Variants in DMD observed in about 807,000 individuals in gnomAD.
The protein encoded by DMD is dystrophin, also known as mutant dystrophin.
Under a neutral mutation model 330.1 loss-of-function variants are expected in DMD, and 63 were observed. The ratio of observed to expected loss-of-function variants is 0.19; its 90% CI spans 0.16 to 0.24. The LOEUF (loss-of-function observed/expected upper bound fraction) is 0.24. DMD is among the 10% of genes least tolerant of loss of function. The pLI, the probability that DMD is intolerant of heterozygous loss-of-function variation, is 1.00. For missense variants in DMD, 3,344 were observed against 2,684.1 expected (o/e 1.25, Z -5.43); for synonymous variants, 1,223 against 959.8 (o/e 1.27, Z -5.07).
intron 60 of DMD, among the ~76,000 whole-genome samples, chrX:31,361,771 T>G (rs1289884245): frequency 3.5e-5 from 3 of 84,590 alleles, no homozygotes; most frequent in African/African-American, 1.7e-4. Context: ...TCTTACCATC[T>G]TTTTTTTTTT....
intron 52 of DMD, among the ~76,000 whole-genome samples, chrX:31,680,518 G>A (rs749390025): frequency 1.8e-5 from 2 of 109,357 alleles, no homozygotes; most frequent in Non-Finnish European, 3.8e-5. Flanking sequence ...CTACAGGCAC[G>A]TGCCATCATG....
intron 51 of DMD, among the ~76,000 whole-genome samples, chrX:31,739,727 G>T (rs1306285425): frequency 9.4e-6 from 1 of 106,948 alleles, no homozygotes; most frequent in African/African-American, 3.4e-5. Context: ...GTATACCTAG[G>T]TAACAAACCT....
rs147811496 is a variant in DMD at position 31,759,395 on chromosome X, C to A, written c.7542+14565G>T. On this transcript the variant is annotated intron_variant, in intron 51 of 78. Coordinates refer to ENST00000357033, the MANE Select transcript of DMD (RefSeq NM_004006.3). ...CTTTTACATATTTATAAAATCCATT[C>A]TATTTCTCTGGATGTGTAATGAAAG... 4.3e-3 allele frequency among the ~76,000 whole-genome samples: 474 copies of A among 110,984 alleles called. 2 individuals are homozygous for A. The highest frequency in any genetic ancestry group is 0.014 in the African/African-American group (417 of 30,735).
chrX:32,719,858 G>C (rs2066092985), intron 7 of DMD, among the ~76,000 whole-genome samples: 1 of 109,757 alleles, frequency 9.1e-6, no homozygotes, highest in African/African-American at 3.3e-5. Flanking sequence ...TCCAACCTCT[G>C]AACGTTTATC....
At chrX:32,929,525 A>C (rs17338919) in intron 2 of DMD, among the ~76,000 whole-genome samples, 1,650 of 110,924 alleles carry the variant, frequency 0.015, 26 homozygotes, top group East Asian at 0.051. Flanking sequence ...GGCCATAGTT[A>C]CTGAGGATAT....
At chrX:31,353,388 A>G (rs754975003) in intron 60 of DMD, among the ~76,000 whole-genome samples, 2 of 111,679 alleles carry the variant, frequency 1.8e-5, no homozygotes, top group Non-Finnish European at 3.8e-5. Context: ...AACAGATTCG[A>G]AAGGGCACCT....
intron 2 of DMD, among the ~76,000 whole-genome samples, chrX:32,868,922 C>A (rs1182533939): frequency 1.8e-5 from 2 of 111,903 alleles, no homozygotes; most frequent in Non-Finnish European, 3.8e-5. Flanking sequence ...TTAAGTGGGT[C>A]CTGGATCCCG....
intron 3 of DMD, among the ~76,000 whole-genome samples, chrX:32,847,875 T>A (rs948884180): frequency 5.5e-4 from 62 of 112,535 alleles, no homozygotes; most frequent in Non-Finnish European, 8.1e-4. Flanking sequence ...GTGGATTTTT[T>A]AATTTTGCCG....
intron 60 of DMD, 84 bp from the exon 61 acceptor site, chrX:31,348,718 A>G: frequency 1.2e-6 from 1 of 834,011 alleles, no homozygotes; most frequent in Non-Finnish European, 1.8e-6. Flanking sequence ...CTGATAAGAT[A>G]CTTTGAGTCT....
chrX:31,172,272 G>T, intron 73 of DMD, 76 bp downstream of exon 73: 1 of 710,009 alleles, frequency 1.4e-6, no homozygotes, highest in Non-Finnish European at 2.2e-6. Context: ...CCTATATCCT[G>T]TGCTATCCTA....
chrX:31,665,984 T>C (rs1054114989), intron 53 of DMD, among the ~76,000 whole-genome samples: 1 of 111,681 alleles, frequency 9.0e-6, no homozygotes, highest in African/African-American at 3.3e-5. Flanking sequence ...GGCTCTCTCT[T>C]TAATTTGCTG....
chrX:31,297,516 C>T (rs947931459), intron 62 of DMD, among the ~76,000 whole-genome samples: 3 of 111,836 alleles, frequency 2.7e-5, no homozygotes, highest in Middle Eastern at 4.2e-3. Context: ...CTTGCACATT[C>T]TATCAGAATG....
chrX:32,051,341 C>T (rs1178578478), intron 44 of DMD, among the ~76,000 whole-genome samples: 1 of 109,845 alleles, frequency 9.1e-6, no homozygotes, highest in Non-Finnish European at 1.9e-5. Context: ...GTGAAAATGG[C>T]TCTTGGTAAC....
At chrX:31,820,913 T>G (rs1201535124) in intron 49 of DMD, among the ~76,000 whole-genome samples, 2 of 111,963 alleles carry the variant, frequency 1.8e-5, no homozygotes, top group African/African-American at 6.5e-5. Context: ...ACGGTTAAAT[T>G]TAAATTACCA....
At chrX:33,071,647 T>C (rs994544779) in intron 1 of DMD, among the ~76,000 whole-genome samples, 1 of 111,419 alleles carries the variant, frequency 9.0e-6, no homozygotes, top group East Asian at 2.8e-4. Flanking sequence ...CCAATCATTG[T>C]TGTGTGAGCT....
chrX:33,248,584 G>C (rs780743015), intron 1 of DMD, among the ~76,000 whole-genome samples: 3 of 111,417 alleles, frequency 2.7e-5, no homozygotes, highest in Admixed American at 1.9e-4. Context: ...AAATTAGAAA[G>C]TGACATTCAT....
chrX:32,200,720 T>C (rs1410070258), intron 44 of DMD, among the ~76,000 whole-genome samples: 1 of 111,807 alleles, frequency 8.9e-6, no homozygotes, highest in Non-Finnish European at 1.9e-5. Context: ...TAACATGCAA[T>C]AAATGAGCAT....
intron 47 of DMD, among the ~76,000 whole-genome samples, chrX:31,894,665 G>C (rs141134819): frequency 8.9e-6 from 1 of 112,025 alleles, no homozygotes; most frequent in African/African-American, 3.2e-5. Context: ...GCTGTGTGAG[G>C]AGATTCTTCT....
At chrX:32,546,868 A>T (rs1350880453) in intron 16 of DMD, among the ~76,000 whole-genome samples, 2 of 111,585 alleles carry the variant, frequency 1.8e-5, no homozygotes, top group African/African-American at 3.2e-5. Flanking sequence ...TAAAATATAA[A>T]CTCAAACATT....
Sources: allele counts gnomAD v4.1 joint callset (sites outside exome capture counted in the v4.1 genomes callset), GRCh38; gene constraint gnomAD v4.1.1; transcripts MANE v1.5; gene names NCBI Gene and HGNC (gene_info 2026-07-23, HGNC 2026-07-21).